CLSTN2: variants seen among roughly 807,000 people sequenced by gnomAD.
The protein encoded by CLSTN2 is calsyntenin-2.
In CLSTN2, 48 loss-of-function variants were observed where a neutral mutation model predicts 101.2. That is an observed-to-expected ratio of 0.47 (90% confidence interval 0.38 to 0.60). CLSTN2 has a LOEUF of 0.60. Among genes scored for constraint, CLSTN2 ranks in the 20% least tolerant of loss-of-function variants. The pLI is 0.00. For missense variants in CLSTN2, 1,160 were observed against 1,238.2 expected (o/e 0.94, Z 0.95); for synonymous variants, 481 against 463.6 (o/e 1.04, Z -0.48).
At chr3:140,413,047 G>A (rs1412779676) in intron 4 of CLSTN2, among the ~76,000 whole-genome samples, 1 of 151,906 alleles carries the variant, frequency 6.6e-6, no homozygotes, top group Non-Finnish European at 1.5e-5. Flanking sequence ...ACAAAGATTA[G>A]AACAGAAATA....
intron 2 of CLSTN2, among the ~76,000 whole-genome samples, chr3:140,386,162 A>G (rs11710635): frequency 0.41 from 62,622 of 152,140 alleles, 15,683 homozygotes; most frequent in South Asian, 0.61. Flanking sequence ...CAATAGCCCA[A>G]TACAGTATAA....
chr3:140,188,492 G>A (rs2010513561), intron 2 of CLSTN2, among the ~76,000 whole-genome samples: 1 of 152,104 alleles, frequency 6.6e-6, no homozygotes, highest in African/African-American at 2.4e-5. Context: ...AACTCCTCGT[G>A]GCCCTCTGGT....
At chr3:139,979,854 C>A (rs887147500) in intron 1 of CLSTN2, among the ~76,000 whole-genome samples, 12 of 152,010 alleles carry the variant, frequency 7.9e-5, no homozygotes, top group Non-Finnish European at 1.2e-4. Flanking sequence ...CTCTCAAACC[C>A]ACGACCCTTC....
intron 1 of CLSTN2, among the ~76,000 whole-genome samples, chr3:140,066,147 C>T (rs1435316406): frequency 6.6e-6 from 1 of 152,192 alleles, no homozygotes; most frequent in African/African-American, 2.4e-5. Context: ...TATTTCTACT[C>T]CACCATCCTA....
At chr3:140,364,842 C>T (rs1374382140) in intron 2 of CLSTN2, among the ~76,000 whole-genome samples, 1 of 152,194 alleles carries the variant, frequency 6.6e-6, no homozygotes, top group African/African-American at 2.4e-5. Flanking sequence ...GTTGTCCAGT[C>T]CTTACAGTGG....
intron 1 of CLSTN2, among the ~76,000 whole-genome samples, chr3:139,977,757 G>A (rs1935844749): frequency 6.6e-6 from 1 of 152,226 alleles, no homozygotes; most frequent in South Asian, 2.1e-4. Context: ...GGGCATTGCA[G>A]AAGAGCCACT....
intron 1 of CLSTN2, among the ~76,000 whole-genome samples, chr3:140,175,201 A>G (rs1481001412): frequency 1.3e-5 from 2 of 152,164 alleles, no homozygotes; most frequent in East Asian, 3.9e-4. Flanking sequence ...TTAGGATATC[A>G]ATGTATTTTT....
intron 2 of CLSTN2, among the ~76,000 whole-genome samples, chr3:140,393,665 T>C (rs2107972212): frequency 6.6e-6 from 1 of 152,290 alleles, no homozygotes; most frequent in East Asian, 1.9e-4. Flanking sequence ...AAGTAAGAGT[T>C]AACCAAGGTA....
At chr3:140,074,342 T>C (rs1261093673) in intron 1 of CLSTN2, among the ~76,000 whole-genome samples, 3 of 152,050 alleles carry the variant, frequency 2.0e-5, no homozygotes, top group African/African-American at 7.2e-5. Context: ...GGCATGTGCA[T>C]TGGCCGGGGT....
intron 1 of CLSTN2, among the ~76,000 whole-genome samples, chr3:140,110,385 G>A (rs1305361586): frequency 6.6e-6 from 1 of 152,150 alleles, no homozygotes; most frequent in Non-Finnish European, 1.5e-5. Context: ...TAATATTTTG[G>A]CAGTAAGCAA....
At chr3:139,959,188 A>C (rs1935460384) in intron 1 of CLSTN2, among the ~76,000 whole-genome samples, 1 of 152,084 alleles carries the variant, frequency 6.6e-6, no homozygotes, top group African/African-American at 2.4e-5. Flanking sequence ...TGGCTGCCAA[A>C]GTTCCAGGTC....
intron 2 of CLSTN2, among the ~76,000 whole-genome samples, chr3:140,311,415 C>T (rs1235954024): frequency 1.4e-5 from 2 of 142,992 alleles, no homozygotes. Flanking sequence ...AAGCTATTCT[C>T]CTGCCTCAGC....
intron 2 of CLSTN2, among the ~76,000 whole-genome samples, chr3:140,329,489 C>T (rs934991779): frequency 1.4e-4 from 21 of 152,278 alleles, no homozygotes; most frequent in African/African-American, 4.8e-4. Flanking sequence ...GCCTCCTCCC[C>T]ATGTCTGCTT....
At chr3:140,068,417 C>T (rs1182830279) in intron 1 of CLSTN2, among the ~76,000 whole-genome samples, 1 of 152,202 alleles carries the variant, frequency 6.6e-6, no homozygotes, top group Non-Finnish European at 1.5e-5. Context: ...GGTAGATTAC[C>T]CTCCTACTCC....
chr3:140,540,927 A>AGTCT (rs1170672113), intron 9 of CLSTN2, among the ~76,000 whole-genome samples: 6 of 152,384 alleles, frequency 3.9e-5, no homozygotes, highest in Middle Eastern at 3.4e-3. Context: ...AGAATAAGAC[A>AGTCT]GTCTGCATTA....
intron 2 of CLSTN2, among the ~76,000 whole-genome samples, chr3:140,255,742 A>G (rs765557187): frequency 6.6e-6 from 1 of 152,172 alleles, no homozygotes; most frequent in Non-Finnish European, 1.5e-5. Flanking sequence ...ACCTGCACAT[A>G]TACCCCTTGA....
At chr3:140,522,099 G>C (rs1281166309) in intron 8 of CLSTN2, among the ~76,000 whole-genome samples, 1 of 152,216 alleles carries the variant, frequency 6.6e-6, no homozygotes, top group African/African-American at 2.4e-5. Flanking sequence ...AAATCTGTGG[G>C]AGAAGCATGG....
chr3:140,324,177 A>C (rs1480134965), intron 2 of CLSTN2, among the ~76,000 whole-genome samples: 2 of 152,350 alleles, frequency 1.3e-5, no homozygotes, highest in East Asian at 3.8e-4. Flanking sequence ...CTACTAATTA[A>C]AAACAGTTGA....
intron 2 of CLSTN2, among the ~76,000 whole-genome samples, chr3:140,380,214 G>A (rs1171566569): frequency 1.3e-5 from 2 of 152,184 alleles, no homozygotes; most frequent in African/African-American, 4.8e-5. Flanking sequence ...ATGTGTGAGG[G>A]GCAGTTGGGA....
Sources: gnomAD v4.1 joint callset for allele counts (sites outside exome capture counted in the v4.1 genomes callset) on GRCh38, gnomAD v4.1.1 for gene constraint, MANE v1.5 for transcripts, NCBI Gene and HGNC (gene_info 2026-07-23, HGNC 2026-07-21) for gene names.